DCD: variants seen among roughly 807,000 people sequenced by gnomAD.
DCD encodes dermcidin, also known as diffusible survival/evasion peptide.
A neutral mutation model predicts 14.5 loss-of-function variants in DCD; 17 were observed. That is an observed-to-expected ratio of 1.18 (90% CI 0.81 to 1.76). DCD has a LOEUF of 1.76. DCD is among the 40% of genes most tolerant of loss of function. DCD has a pLI of 0.00. For missense variants in DCD, 139 were observed against 133.4 expected (o/e 1.04, Z -0.21); for synonymous variants, 64 against 54.0 (o/e 1.19, Z -0.82).
At chr12:54,645,019 C>T in intron 4 of DCD, 154 bp downstream of exon 4, 1 of 1,499,280 alleles carries the variant, frequency 6.7e-7, no homozygotes, top group Non-Finnish European at 9.1e-7. Context: ...CAATATCAGA[C>T]AAGAATGGCA....
Position 54,644,661 on chromosome 12 carries a change from A to T in DCD, c.*52T>A. ...TTTTTTTTTTTTAGGTTTTAGGCTG[A>T]AGACGTAAAGCCTGCTGCTCCTGGG... On this transcript the variant is annotated 3_prime_UTR_variant, in exon 5 of 5. Transcript: ENST00000293371. The T allele has an allele frequency of 9.3e-6, 10 of 1,072,800 alleles. No individual in the cohort carries two copies. The highest frequency in any genetic ancestry group is 1.4e-5 in the Non-Finnish European group (10 of 718,668). 66.5% of individuals were successfully genotyped at this position (1,072,800 alleles called of 1,614,324 possible).
Position 54,644,646 on chromosome 12 carries a change from TTAG to T in DCD, c.*64_*66del. 7 of 1,029,114 alleles carry T rather than the reference TTAG, an allele frequency of 6.8e-6. No individual in the cohort carries two copies. The highest frequency in any genetic ancestry group is 1.6e-5 in the South Asian group (1 of 62,534). The allele number at this position is 1,029,114 out of a possible 1,614,324, so 63.7% of individuals were successfully genotyped here. A position where few individuals can be genotyped will look rare whatever the true frequency, so the allele number is the denominator to read the frequency against. The stretch of plus-strand genomic sequence containing the variant: ...TAAATTTTTTTTTTTTTTTTTTTTT[TTAG>T]GTTTTAGGCTGAAGACGTAAAGCCT... On this transcript the variant is annotated 3_prime_UTR_variant, in exon 5 of 5. Coordinates refer to ENST00000293371, the MANE Select transcript of DCD (RefSeq NM_053283.4).
rs769547788 is a variant in DCD, at chr12:54,645,212, C to T, written c.250G>A (p.Gly84Arg). 1.2e-6 allele frequency: 2 copies of T among 1,614,062 alleles called. No individual in the cohort carries two copies. The highest frequency in any genetic ancestry group is 1.1e-5 in the South Asian group (1 of 91,080). Residue 84 changes from glycine (G) to arginine (R), a missense_variant, in exon 4 of 5, where the codon GGA becomes AGA. By Grantham distance (125) the Gly-to-Arg change is moderately radical. Coordinates refer to ENST00000293371, the MANE Select transcript of DCD (RefSeq NM_053283.4). ...KKAVGGLGKL[G>R]KDAVEDLESV... ...TCTAGATCTTCGACTGCATCTTTTCCTAGTTTTCCGAGTCCCCCCACAGCT... is the reference window on the plus strand; with the variant it reads ...TCTAGATCTTCGACTGCATCTTTTCTTAGTTTTCCGAGTCCCCCCACAGCT...
chr12:54,647,064 C>G (rs1276429016), intron 2 of DCD, 57 bp downstream of exon 2: 1 of 1,527,272 alleles, frequency 6.5e-7, no homozygotes, highest in Non-Finnish European at 8.8e-7. Context: ...CCACTCATAT[C>G]CCAAGTCATT....
chr12:54,646,477 G>T (rs1958262078), intron 2 of DCD, among the ~76,000 whole-genome samples: 2 of 152,114 alleles, frequency 1.3e-5, no homozygotes, highest in Admixed American at 1.3e-4. Context: ...TGAAAGGAGA[G>T]ACTGGGACAG....
In DCD at chr12:54,648,287, A is replaced by G. The variant is rs1481562867; in HGVS notation, c.17T>C (p.Leu6Pro). The G allele has an allele frequency of 6.2e-7, 1 of 1,613,932 alleles. No homozygotes were observed. Among genetic ancestry groups the G allele is most frequent in the Non-Finnish European group, 8.5e-7 (1 of 1,179,960 alleles). Residue 6 changes from leucine (L) to proline (P), a missense_variant, in exon 1 of 5, where the codon CTC becomes CCC. By Grantham distance (98) the Leu-to-Pro change is moderately conservative (BLOSUM62 -3). Coordinates refer to ENST00000293371, the MANE Select transcript of DCD (RefSeq NM_053283.4). ...TCCTGCCAGAGCTGTCAGGAAGAGG[A>G]GAGTCATGAACCTCATGCTTCTGTG... MRFMT[L>P]LFLTALAGAL...
intron 2 of DCD, 116 bp downstream of exon 2, chr12:54,647,005 C>T: frequency 9.5e-7 from 1 of 1,055,088 alleles, no homozygotes; most frequent in East Asian, 2.7e-5. Flanking sequence ...TAAAAGTCGG[C>T]CTCCCAACTC....
intron 2 of DCD, 150 bp downstream of exon 2, chr12:54,646,971 G>A: frequency 1.4e-6 from 1 of 702,920 alleles, no homozygotes; most frequent in South Asian, 2.0e-5. Flanking sequence ...AGTCTCTCAG[G>A]AAGTCTCCCT....
intron 2 of DCD, 37 bp downstream of exon 2, chr12:54,647,084 A>C: frequency 6.5e-7 from 1 of 1,546,976 alleles, no homozygotes; most frequent in Non-Finnish European, 8.7e-7. Flanking sequence ...TAACCCTCCC[A>C]CCCAGGACTG....
At position 54,644,623 on chromosome 12, in the gene DCD, A is replaced by ATT. The variant is rs1958237618; in HGVS notation, c.*89_*90insAA. ...TGCTTTCAGTTTAATAGCTGTTTTAAATTTTTTTTTTTTTTTTTTTTTTTA... is the reference window on the plus strand; with the variant it reads ...TGCTTTCAGTTTAATAGCTGTTTTAATTATTTTTTTTTTTTTTTTTTTTTTTA... On this transcript the variant is annotated 3_prime_UTR_variant, in exon 5 of 5. Transcript: ENST00000293371. The ATT allele has an allele frequency of 3.4e-6, 3 of 878,952 alleles. No individual in the cohort carries two copies. Among genetic ancestry groups the ATT allele is most frequent in the African/African-American group, 1.9e-5 (1 of 52,654 alleles). The allele number at this position is 878,952 out of a possible 1,614,324, so 54.4% of individuals were successfully genotyped here.
chr12:54,645,903 C>G (rs1041835831), intron 2 of DCD, 196 bp from the exon 3 acceptor site: 1 of 585,470 alleles, frequency 1.7e-6, no homozygotes, highest in Non-Finnish European at 3.1e-6. Context: ...GCCTCCAAGA[C>G]TTTTCCTGCT....
chr12:54,646,161 A>G (rs1958259415), intron 2 of DCD: 1 of 456,200 alleles, frequency 2.2e-6, no homozygotes, highest in Non-Finnish European at 4.4e-6. Context: ...CTGGAAAATC[A>G]AAACTTCTGT....
intron 1 of DCD, among the ~76,000 whole-genome samples, chr12:54,647,498 T>C (rs891194519): frequency 6.6e-6 from 1 of 152,198 alleles, no homozygotes; most frequent in Non-Finnish European, 1.5e-5. Context: ...CCTGCTCTAG[T>C]GACAGGGCAG....
rs73310828 is a variant in DCD at position 54,644,792 on chromosome 12, T to C, written c.290-36A>G. Reference sequence around the variant, plus strand: ...CACAGAAAAAAATGGGGTAAAGGGGTAGGAAGAAAAAAGGAAGGGAAAGAG... The same window carrying C: ...CACAGAAAAAAATGGGGTAAAGGGGCAGGAAGAAAAAAGGAAGGGAAAGAG... On this transcript the variant is annotated intron_variant, in intron 4 of 4. Coordinates refer to ENST00000293371, the MANE Select transcript of DCD (RefSeq NM_053283.4). 4,507 of 1,582,906 alleles carry C rather than the reference T, an allele frequency of 2.8e-3. 102 individuals are homozygous for C. In the African/African-American group the frequency reaches 0.056, roughly 20 times the overall value.
At chr12:54,645,332 C>T (rs753084897) in intron 3 of DCD, 70 bp from the exon 4 acceptor site, 76 of 1,458,250 alleles carry the variant, frequency 5.2e-5, no homozygotes, top group Admixed American at 1.2e-4. Flanking sequence ...AGAGCTCCCC[C>T]GCTTCCTAGG....
At position 54,647,171 on chromosome 12, in the gene DCD, G is replaced by C; in HGVS notation, c.59-12C>G. The C allele has an allele frequency of 6.4e-7, 1 of 1,560,098 alleles. No homozygotes were observed. Among genetic ancestry groups the C allele is most frequent in the Non-Finnish European group, 8.7e-7 (1 of 1,151,308 alleles). ...GGCCTCTGGATCATCTGCAAAGGAG[G>C]GAACAGTGACCATGTCAAGTAGGGC... On this transcript the variant is annotated splice_polypyrimidine_tract_variant and intron_variant, in intron 1 of 4. Transcript: ENST00000293371.
chr12:54,645,199 A>G lies in DCD; in HGVS notation c.263T>C (p.Val88Ala), dbSNP rs1958248122. 6.2e-7 allele frequency: 1 copy of G among 1,613,892 alleles called. No homozygotes were observed. The highest frequency in any genetic ancestry group is 1.3e-5 in the African/African-American group (1 of 74,852). Reference sequence around the variant, plus strand: ...TTTACCCACGCTTTCTAGATCTTCGACTGCATCTTTTCCTAGTTTTCCGAG... The same window carrying G: ...TTTACCCACGCTTTCTAGATCTTCGGCTGCATCTTTTCCTAGTTTTCCGAG... Reference protein sequence around the residue: ...GGLGKLGKDAVEDLESVGKGA... With the variant: ...GGLGKLGKDAAEDLESVGKGA... The change falls in exon 4 of 5, where the codon GTC becomes GCC. Residue 88 changes from valine to alanine, a missense_variant. Physicochemically the swap from Val to Ala is moderately conservative, Grantham distance 64 (BLOSUM62 0). Coordinates refer to ENST00000293371, the MANE Select transcript of DCD (RefSeq NM_053283.4).
Position 54,645,543 on chromosome 12 carries a change from C to T in DCD, c.199+63G>A, listed in dbSNP as rs1402655937. On this transcript the variant is annotated intron_variant, in intron 3 of 4. Coordinates refer to ENST00000293371, the MANE Select transcript of DCD (RefSeq NM_053283.4). Reference sequence around the variant, plus strand: ...CTTGTGCCTGTGAGGGCAGACTGGCCCCCAGATATCTTGCTGTTTCATGCA... The same window carrying T: ...CTTGTGCCTGTGAGGGCAGACTGGCTCCCAGATATCTTGCTGTTTCATGCA... 2.8e-6 allele frequency: 4 copies of T among 1,445,846 alleles called. No individual in the cohort carries two copies. The African/African-American group carries it at 4.2e-5, about 15-fold the overall frequency. The allele number at this position is 1,445,846 out of a possible 1,614,324, so 89.6% of individuals were successfully genotyped here.
Position 54,648,322 on chromosome 12 carries a change from G to T in DCD, c.-19C>A. The T allele has an allele frequency of 6.2e-7, 1 of 1,613,848 alleles. No homozygotes were observed. ...ACCTCATGCTTCTGTGTGCTGGAGT[G>T]GGTATGCCACCAAATCCTTGGAGAT... On this transcript the variant is annotated 5_prime_UTR_variant, in exon 1 of 5. Coordinates refer to ENST00000293371, the MANE Select transcript of DCD (RefSeq NM_053283.4).
Sources: gnomAD v4.1 joint callset for allele counts (sites outside exome capture counted in the v4.1 genomes callset) on GRCh38, gnomAD v4.1.1 for gene constraint, MANE v1.5 for transcripts, NCBI Gene and HGNC (gene_info 2026-07-23, HGNC 2026-07-21) for gene names.